HMCN1: variants seen among roughly 807,000 people sequenced by gnomAD.
HMCN1 encodes hemicentin-1.
Under a neutral mutation model 625.9 loss-of-function variants are expected in HMCN1, and 321 were observed. The observed-to-expected ratio is 0.51, with a 90% CI of 0.47 to 0.56. HMCN1 has a LOEUF of 0.56. Among genes scored for constraint, HMCN1 ranks in the 20% least tolerant of loss-of-function variants. HMCN1 has a pLI of 0.00. For missense variants in HMCN1, 6,588 were observed against 6,887.3 expected (o/e 0.96, Z 1.54); for synonymous variants, 2,425 against 2,417.6 (o/e 1.00, Z -0.09).
At chr1:186,144,826 G>GT (rs1471389171) in intron 91 of HMCN1, 123 bp downstream of exon 91, 1 of 1,127,298 alleles carries the variant, frequency 8.9e-7, no homozygotes, top group Non-Finnish European at 1.3e-6. Flanking sequence ...ATGTCAGAAT[G>GT]TTGTAAGGTT....
rs1306644036 is a variant in HMCN1 at position 185,981,066 on chromosome 1, C to G, written c.2655C>G (p.Thr885=). Residue 885 remains threonine (T), a synonymous_variant, in exon 17 of 107, where the codon ACC becomes ACG. Transcript: ENST00000271588. ...KIQSETTVTV[T]GLVAPLIGIS... Reference sequence around the variant, plus strand: ...AGTCAGAGACAACAGTAACAGTGACCGGACTTGGTAAGATCAATTGAATGT... The same window carrying G: ...AGTCAGAGACAACAGTAACAGTGACGGGACTTGGTAAGATCAATTGAATGT... The G allele has an allele frequency of 3.1e-6, 5 of 1,594,106 alleles. No homozygotes were observed. The highest frequency in any genetic ancestry group is 4.3e-6 in the Non-Finnish European group (5 of 1,161,992).
chr1:186,103,608 A>C lies in HMCN1; in HGVS notation c.10710A>C (p.Pro3570=), dbSNP rs1214191353. 6.2e-7 allele frequency: 1 copy of C among 1,613,912 alleles called. No homozygotes were observed. Among genetic ancestry groups the C allele is most frequent in the East Asian group, 2.2e-5 (1 of 44,864 alleles). Residue 3570 remains proline (P), a synonymous_variant, in exon 69 of 107, where the codon CCA becomes CCC. Coordinates refer to ENST00000271588, the MANE Select transcript of HMCN1 (RefSeq NM_031935.3). The part of the protein sequence containing the change: ...MTWMKDGRPL[P]QTDQVQTLGG... ...GGATGAAAGATGGCCGGCCCCTTCC[A>C]CAGACGGATCAAGTGCAAACTCTAG...
intron 10 of HMCN1, among the ~76,000 whole-genome samples, chr1:185,932,971 T>C (rs1211285362): frequency 6.6e-6 from 1 of 152,182 alleles, no homozygotes; most frequent in Non-Finnish European, 1.5e-5. Flanking sequence ...GCCTTTTGTG[T>C]ATATGGCTCT....
At chr1:185,990,230 G>T in intron 21 of HMCN1, 45 bp from the exon 22 acceptor site, 2 of 1,551,654 alleles carry the variant, frequency 1.3e-6, no homozygotes, top group Non-Finnish European at 1.8e-6. Flanking sequence ...ACTGTGCTTT[G>T]TTTTCAATAT....
chr1:185,790,537 G>A (rs1657918345), intron 1 of HMCN1, among the ~76,000 whole-genome samples: 1 of 152,204 alleles, frequency 6.6e-6, no homozygotes, highest in South Asian at 2.1e-4. Flanking sequence ...TAACTGCTGG[G>A]CCTCCAGATC....
chr1:186,165,773 C>A (rs1176034010), intron 98 of HMCN1, among the ~76,000 whole-genome samples: 1 of 152,172 alleles, frequency 6.6e-6, no homozygotes, highest in Non-Finnish European at 1.5e-5. Context: ...AAATCACAGC[C>A]CTGCCAGTAA....
chr1:185,972,102 A>T (rs1288570624), intron 15 of HMCN1, among the ~76,000 whole-genome samples: 1 of 152,104 alleles, frequency 6.6e-6, no homozygotes, highest in Non-Finnish European at 1.5e-5. Context: ...AATTCTCAAC[A>T]TTTTCTAGTT....
Position 186,109,049 on chromosome 1 carries a change from G to A in HMCN1, c.10989+452G>A, listed in dbSNP as rs533705077. 4.6e-5 allele frequency among the ~76,000 whole-genome samples: 7 copies of A among 152,298 alleles called. No individual in the cohort carries two copies. The South Asian group carries it at 8.3e-4, about 18-fold the overall frequency. On this transcript the variant is annotated intron_variant, in intron 71 of 106. Transcript: ENST00000271588. ...TACCAGGCATCTGAGACTGGAATCC[G>A]TGAAGAACCAGTTACTGGCTGTATA... is the stretch of plus-strand genomic sequence containing the variant.
At chr1:185,843,336 G>T (rs539255703) in intron 1 of HMCN1, among the ~76,000 whole-genome samples, 1 of 152,304 alleles carries the variant, frequency 6.6e-6, no homozygotes, top group East Asian at 1.9e-4. Flanking sequence ...AGAAAGAAAA[G>T]GGGGACAGTG....
At chr1:185,761,482 G>C (rs564905316) in intron 1 of HMCN1, among the ~76,000 whole-genome samples, 2 of 152,256 alleles carry the variant, frequency 1.3e-5, no homozygotes, top group South Asian at 4.2e-4. Flanking sequence ...TTAACTTCGA[G>C]TGGTATTACA....
At chr1:185,816,513 C>G (rs1659854282) in intron 1 of HMCN1, among the ~76,000 whole-genome samples, 1 of 152,122 alleles carries the variant, frequency 6.6e-6, no homozygotes, top group African/African-American at 2.4e-5. Flanking sequence ...TTATATCCAC[C>G]ATGCCCATGA....
At chr1:185,901,221 G>A (rs191094547) in intron 4 of HMCN1, among the ~76,000 whole-genome samples, 1 of 151,700 alleles carries the variant, frequency 6.6e-6, no homozygotes, top group Non-Finnish European at 1.5e-5. Flanking sequence ...AAAATCTGTT[G>A]AATCACCCTT....
chr1:186,185,437 A>G (rs187131850), intron 105 of HMCN1, among the ~76,000 whole-genome samples: 22 of 152,328 alleles, frequency 1.4e-4, no homozygotes, highest in African/African-American at 4.3e-4. Context: ...ATAAAATCAT[A>G]ATTAGAAATT....
At position 186,015,948 on chromosome 1, in the gene HMCN1, T is replaced by G; in HGVS notation, c.4910-10T>G. The G allele has an allele frequency of 6.2e-7, 1 of 1,610,718 alleles. No individual in the cohort carries two copies. The highest frequency in any genetic ancestry group is 1.3e-5 in the African/African-American group (1 of 74,952). The stretch of plus-strand genomic sequence containing the variant: ...ATAATTGCCTGAAATATTGCTATGT[T>G]TCTCCCTAGTTCCTCCAATGATTGA... On this transcript the variant is annotated splice_polypyrimidine_tract_variant and intron_variant, in intron 31 of 106. Transcript: ENST00000271588.
At chr1:186,134,740 A>G (rs2102528177) in intron 86 of HMCN1, among the ~76,000 whole-genome samples, 1 of 152,268 alleles carries the variant, frequency 6.6e-6, no homozygotes, top group East Asian at 1.9e-4. Flanking sequence ...TTCTCAGTCT[A>G]AAATATGCAG....
intron 71 of HMCN1, among the ~76,000 whole-genome samples, chr1:186,112,610 T>A (rs1304816319): frequency 6.6e-6 from 1 of 152,234 alleles, no homozygotes; most frequent in East Asian, 1.9e-4. Context: ...TTGGGCATAC[T>A]GCCTCTGCCT....
intron 1 of HMCN1, among the ~76,000 whole-genome samples, chr1:185,782,849 T>C (rs937283243): frequency 6.6e-6 from 1 of 152,124 alleles, no homozygotes; most frequent in Non-Finnish European, 1.5e-5. Flanking sequence ...TTGAGGAGTA[T>C]CTTTGTGGCG....
intron 103 of HMCN1, 68 bp downstream of exon 103, chr1:186,174,710 TA>T: frequency 7.0e-7 from 1 of 1,427,022 alleles, no homozygotes; most frequent in Admixed American, 1.7e-5. Flanking sequence ...CCAACTCGCT[TA>T]GGGCCACTTT....
At chr1:186,099,253 A>G (rs1344068906) in intron 68 of HMCN1, among the ~76,000 whole-genome samples, 2 of 152,088 alleles carry the variant, frequency 1.3e-5, no homozygotes, top group Non-Finnish European at 2.9e-5. Flanking sequence ...CATGTATGGA[A>G]ACATCACATT....
Sources: allele counts gnomAD v4.1 joint callset (sites outside exome capture counted in the v4.1 genomes callset), GRCh38; gene constraint gnomAD v4.1.1; transcripts MANE v1.5; gene names NCBI Gene and HGNC (gene_info 2026-07-23, HGNC 2026-07-21).